PCDHA5: variants seen among roughly 807,000 people sequenced by gnomAD.
The protein encoded by PCDHA5 is protocadherin alpha-5.
In PCDHA5, 43 loss-of-function variants were observed where a neutral mutation model predicts 61.6. The observed-to-expected ratio is 0.70, with a 90% CI of 0.55 to 0.90. PCDHA5 has a LOEUF of 0.90. Among genes scored for constraint, PCDHA5 ranks in the 40% least tolerant of loss-of-function variants. PCDHA5 has a pLI of 0.00. For missense variants in PCDHA5, 1,298 were observed against 1,222.7 expected (o/e 1.06, Z -0.92); for synonymous variants, 627 against 543.9 (o/e 1.15, Z -2.13).
At chr5:140,952,301 T>C (rs246036) in intron 1 of PCDHA5, among the ~76,000 whole-genome samples, 3 of 149,380 alleles carry the variant, frequency 2.0e-5, no homozygotes. Flanking sequence ...CACAGCCATT[T>C]CACTCCAGCC....
intron 1 of PCDHA5, chr5:140,876,844 C>T (rs200154646): frequency 1.2e-6 from 2 of 1,614,016 alleles, no homozygotes; most frequent in East Asian, 2.2e-5. Context: ...GTTCGCGCAG[C>T]CCGAGTACAC....
chr5:140,879,402 T>C (rs571790), intron 1 of PCDHA5, among the ~76,000 whole-genome samples: 2,265 of 152,304 alleles, frequency 0.015, 52 homozygotes, highest in African/African-American at 0.052. Context: ...TTTGTGTGTA[T>C]TTGAGCAGGT....
At chr5:140,904,214 C>T (rs2070953663) in intron 1 of PCDHA5, among the ~76,000 whole-genome samples, 1 of 151,882 alleles carries the variant, frequency 6.6e-6, no homozygotes, top group South Asian at 2.1e-4. Flanking sequence ...TCCCCAAAGT[C>T]CATTGTATTA....
At position 140,823,032 on chromosome 5, in the gene PCDHA5, C is replaced by T; in HGVS notation, c.1257C>T (p.Val419=). 2 of 1,614,230 alleles carry T rather than the reference C, an allele frequency of 1.2e-6. No individual in the cohort carries two copies. Among genetic ancestry groups the T allele is most frequent in the Non-Finnish European group, 1.7e-6 (2 of 1,180,054 alleles). The stretch of plus-strand genomic sequence containing the variant: ...CCCTGGACCGCGAGAGCGTGTCGGT[C>T]TATGAGCTGGTGGTGACCGCGCGGG... ...DSALDRESVS[V]YELVVTARDG... is the part of the protein sequence containing the mutation. The change falls in exon 1 of 4, where the codon GTC becomes GTT. Residue 419 remains valine, a synonymous_variant. Coordinates refer to ENST00000529859, the MANE Select transcript of PCDHA5 (RefSeq NM_018908.3).
chr5:140,824,704 C>G (rs1241978054), intron 1 of PCDHA5: 1 of 144,904 alleles, frequency 6.9e-6, no homozygotes, highest in Non-Finnish European at 1.5e-5. Context: ...AAGCCATGCT[C>G]CCGTCTCAGC....
At chr5:140,926,618 G>T in intron 1 of PCDHA5, 1 of 382,578 alleles carries the variant, frequency 2.6e-6, no homozygotes, top group Non-Finnish European at 4.6e-6. Flanking sequence ...TGCACCCCTA[G>T]GCGGCGCTGC....
chr5:140,966,862 G>T (rs782810195), intron 1 of PCDHA5: 1 of 1,562,198 alleles, frequency 6.4e-7, no homozygotes. Context: ...TGCTGCTGTT[G>T]CTGCTGCTGC....
rs782344407 is a variant in PCDHA5 at position 140,928,808 on chromosome 5, G to T, written c.2353-50141G>T. 3.7e-6 allele frequency: 6 copies of T among 1,614,062 alleles called. No homozygotes were observed. In the Admixed American group the frequency reaches 1.0e-4, roughly 27 times the overall value. The stretch of plus-strand genomic sequence containing the variant: ...AAGCAGAGGGTGGTGGTAGTGGTTC[G>T]GGACCATGGAGACCCACCACTTTCC... On this transcript the variant is annotated intron_variant, in intron 1 of 3. Coordinates refer to ENST00000529859, the MANE Select transcript of PCDHA5 (RefSeq NM_018908.3).
intron 1 of PCDHA5, chr5:140,843,724 A>G: frequency 6.4e-7 from 1 of 1,561,476 alleles, no homozygotes; most frequent in East Asian, 2.2e-5. Context: ...AAGTAAGTCC[A>G]TTTAAATTTA....
intron 1 of PCDHA5, chr5:140,856,933 C>T: frequency 5.0e-6 from 8 of 1,593,874 alleles, no homozygotes; most frequent in Non-Finnish European, 6.0e-6. Flanking sequence ...TTTGGATAAA[C>T]GAAAGGACGG....
At chr5:140,943,157 C>T (rs2093427609) in intron 1 of PCDHA5, among the ~76,000 whole-genome samples, 1 of 148,876 alleles carries the variant, frequency 6.7e-6, no homozygotes, top group South Asian at 2.1e-4. Context: ...ACTCTGGAGG[C>T]TGAGGCAGGA....
chr5:141,001,478 A>G, intron 3 of PCDHA5, among the ~76,000 whole-genome samples: 1 of 152,236 alleles, frequency 6.6e-6, no homozygotes, highest in Non-Finnish European at 1.5e-5. Context: ...GCAGCGGGGA[A>G]GTGCTGGAAA....
intron 1 of PCDHA5, chr5:140,884,552 G>A (rs1554181720): frequency 6.2e-7 from 1 of 1,614,142 alleles, no homozygotes; most frequent in East Asian, 2.2e-5. Context: ...GTGCTCTGGG[G>A]AGGGCCCGCA....
intron 1 of PCDHA5, among the ~76,000 whole-genome samples, chr5:140,964,472 T>C (rs1160731930): frequency 6.6e-6 from 1 of 152,074 alleles, no homozygotes; most frequent in Non-Finnish European, 1.5e-5. Context: ...GTGCCTATGA[T>C]TTTTTCACAG....
intron 1 of PCDHA5, among the ~76,000 whole-genome samples, chr5:140,943,763 G>T (rs2093562574): frequency 6.6e-6 from 1 of 152,122 alleles, no homozygotes; most frequent in Admixed American, 6.5e-5. Context: ...GGAGATGTAG[G>T]AAAAAAACTA....
intron 1 of PCDHA5, chr5:140,871,269 G>C (rs782046462): frequency 5.0e-6 from 8 of 1,613,822 alleles, no homozygotes; most frequent in Admixed American, 1.7e-5. Flanking sequence ...CGCTGTGGTG[G>C]TCGGCAACGC....
rs2150481725 is a variant in PCDHA5, at chr5:140,850,382, C to A, written c.2352+26255C>A. On this transcript the variant is annotated intron_variant, in intron 1 of 3. Transcript: ENST00000529859. ...CGTTCCGCGTGGGGCTGTACACGGG[C>A]GAGATCAGCACAACGCGTGCCCTGG... 3.2e-5 allele frequency: 51 copies of A among 1,597,762 alleles called. 3 individuals are homozygous for A. In the African/African-American group the frequency reaches 5.9e-4, roughly 19 times the overall value.
In PCDHA5 at chr5:140,823,954, A is replaced by G. The variant is rs1408335072; in HGVS notation, c.2179A>G (p.Thr727Ala). 6.2e-7 allele frequency: 1 copy of G among 1,613,832 alleles called. No individual in the cohort carries two copies. The highest frequency in any genetic ancestry group is 8.5e-7 in the Non-Finnish European group (1 of 1,179,968). ...CGCGCTGCGGTGCTCGGCGCAGCCC[A>G]CCGAGGCCGTGTGCACACGGGGCAA... Reference protein sequence around the residue: ...YTALRCSAQPTEAVCTRGKPT... With the variant: ...YTALRCSAQPAEAVCTRGKPT... Residue 727 changes from threonine to alanine, a missense_variant, in exon 1 of 4, where the codon ACC (threonine) becomes GCC (alanine). Physicochemically the swap from Thr to Ala is moderately conservative, Grantham distance 58. Coordinates refer to ENST00000529859, the MANE Select transcript of PCDHA5 (RefSeq NM_018908.3).
intron 1 of PCDHA5, chr5:140,841,201 C>A: frequency 7.7e-7 from 1 of 1,296,960 alleles, no homozygotes; most frequent in South Asian, 1.5e-5. Flanking sequence ...TCTCTGACAG[C>A]ATCTGTCTCT....
Sources: allele counts gnomAD v4.1 joint callset (sites outside exome capture counted in the v4.1 genomes callset), GRCh38; gene constraint gnomAD v4.1.1; transcripts MANE v1.5; gene names NCBI Gene and HGNC (gene_info 2026-07-23, HGNC 2026-07-21).